RIMS2: variants seen among roughly 807,000 people sequenced by gnomAD.
RIMS2 encodes regulating synaptic membrane exocytosis protein 2.
A neutral mutation model predicts 174.4 loss-of-function variants in RIMS2; 59 were observed. That is an observed-to-expected ratio of 0.34 (90% CI 0.27 to 0.42). The LOEUF is 0.42. Ranked by LOEUF, RIMS2 falls within the 10% of genes least tolerant of loss-of-function variation. RIMS2 has a pLI of 1.00. For missense variants in RIMS2, 1,620 were observed against 1,666.3 expected, an observed-to-expected ratio of 0.97 and a Z score of 0.48; for synonymous variants, 606 against 572.5, an observed-to-expected ratio of 1.06 and a Z score of -0.84.
intron 1 of RIMS2, among the ~76,000 whole-genome samples, chr8:103,620,852 A>G (rs1481319391): frequency 2.0e-5 from 3 of 152,204 alleles, no homozygotes; most frequent in Non-Finnish European, 2.9e-5. Context: ...TCAAAATTTA[A>G]AAAATTGTCC....
chr8:104,048,859 G>A (rs368215621), intron 19 of RIMS2, among the ~76,000 whole-genome samples: 19 of 152,058 alleles, frequency 1.2e-4, no homozygotes, highest in Non-Finnish European at 2.1e-4. Context: ...ATTATGCCGA[G>A]GTTATTTTTT....
intron 6 of RIMS2, 94 bp from the exon 10 acceptor site, chr8:103,915,401 T>G: frequency 1.7e-6 from 1 of 580,020 alleles, no homozygotes; most frequent in Non-Finnish European, 3.1e-6. Context: ...GCGTTTTAGG[T>G]GTTGCAAATT....
downstream of RIMS2, chr8:104,252,831 C>A (rs77012762): frequency 6.6e-6 from 1 of 152,134 alleles, no homozygotes. Flanking sequence ...CATCTTTCTC[C>A]TTCTCTCACT....
chr8:103,948,521 A>T (rs1165516872), intron 14 of RIMS2, among the ~76,000 whole-genome samples: 1 of 152,238 alleles, frequency 6.6e-6, no homozygotes, highest in African/African-American at 2.4e-5. Flanking sequence ...ACATACTACA[A>T]TATAGTCAAA....
At chr8:103,559,289 C>T in intron 1 of RIMS2, 1 of 192,184 alleles carries the variant, frequency 5.2e-6, no homozygotes, top group East Asian at 1.5e-4. Flanking sequence ...AATTAGCCTT[C>T]CCATTAGCAG....
chr8:103,995,367 A>C (rs1473918680), intron 17 of RIMS2, among the ~76,000 whole-genome samples: 1 of 152,108 alleles, frequency 6.6e-6, no homozygotes, highest in Non-Finnish European at 1.5e-5. Context: ...ATACTGGAAC[A>C]GATTGGAGAG....
At chr8:104,154,876 T>C (rs750975530) in intron 19 of RIMS2, among the ~76,000 whole-genome samples, 55 of 152,150 alleles carry the variant, frequency 3.6e-4, no homozygotes, top group Non-Finnish European at 6.6e-4. Context: ...TTGTATCACA[T>C]ATGGTGATCC....
chr8:103,729,011 A>G (rs982861881), intron 2 of RIMS2, among the ~76,000 whole-genome samples: 2 of 152,022 alleles, frequency 1.3e-5, no homozygotes, highest in African/African-American at 2.4e-5. Flanking sequence ...ATCAATGTTC[A>G]TCAGTGATTT....
At chr8:103,833,723 T>G (rs920718342) in intron 3 of RIMS2, among the ~76,000 whole-genome samples, 1 of 152,140 alleles carries the variant, frequency 6.6e-6, no homozygotes, top group African/African-American at 2.4e-5. Context: ...ATATCTCTGT[T>G]GAGATATCCT....
chr8:104,054,349 C>A (rs1352871545), intron 19 of RIMS2, among the ~76,000 whole-genome samples: 1 of 152,058 alleles, frequency 6.6e-6, no homozygotes, highest in Non-Finnish European at 1.5e-5. Context: ...TAGCAATCAG[C>A]GGCAGCATCT....
At chr8:103,567,192 TATA>T (rs1252953994) in intron 1 of RIMS2, among the ~76,000 whole-genome samples, 2 of 152,194 alleles carry the variant, frequency 1.3e-5, no homozygotes, top group African/African-American at 4.8e-5. Flanking sequence ...AAAATGCACA[TATA>T]AAATTTTACC....
intron 19 of RIMS2, chr8:104,223,744 A>G (rs1164962918): frequency 1.3e-6 from 2 of 1,595,546 alleles, no homozygotes; most frequent in East Asian, 4.5e-5. Context: ...CCTTCGAGGC[A>G]CTGGCCGGCT....
chr8:103,528,889 C>T (rs1353250412), intron 1 of RIMS2, among the ~76,000 whole-genome samples: 1 of 152,044 alleles, frequency 6.6e-6, no homozygotes, highest in Non-Finnish European at 1.5e-5. Flanking sequence ...TGTTTTGGTT[C>T]CATATGATCT....
intron 2 of RIMS2, among the ~76,000 whole-genome samples, chr8:103,728,091 T>G (rs540846827): frequency 7.9e-5 from 12 of 152,288 alleles, no homozygotes; most frequent in South Asian, 2.1e-4. Context: ...TTTCATTTTT[T>G]TGTGTGTGTT....
chr8:103,879,056 G>C (rs1304136678), intron 3 of RIMS2, among the ~76,000 whole-genome samples: 1 of 151,438 alleles, frequency 6.6e-6, no homozygotes, highest in African/African-American at 2.4e-5. Flanking sequence ...CATGTTAAGA[G>C]TAAAGAGTTA....
intron 3 of RIMS2, among the ~76,000 whole-genome samples, chr8:103,883,505 A>T (rs2099180889): frequency 6.6e-6 from 1 of 151,796 alleles, no homozygotes; most frequent in South Asian, 2.1e-4. Flanking sequence ...TAAATTTTAA[A>T]CTGTAGGAAT....
intron 1 of RIMS2, among the ~76,000 whole-genome samples, chr8:103,547,443 G>T (rs187444669): frequency 1.2e-3 from 178 of 152,222 alleles, no homozygotes; most frequent in South Asian, 2.3e-3. Context: ...GCAGAAATAA[G>T]AAATTCTTTG....
chr8:104,146,794 G>A (rs1347375803), intron 19 of RIMS2, among the ~76,000 whole-genome samples: 1 of 152,038 alleles, frequency 6.6e-6, no homozygotes, highest in African/African-American at 2.4e-5. Flanking sequence ...TCAACATCTC[G>A]GGCTCAGGTG....
intron 1 of RIMS2, among the ~76,000 whole-genome samples, chr8:103,610,016 T>G (rs2095311583): frequency 6.6e-6 from 1 of 152,176 alleles, no homozygotes; most frequent in South Asian, 2.1e-4. Flanking sequence ...TTGAGTGGTG[T>G]TTTGTAATTC....
Sources: gnomAD v4.1 joint callset for allele counts (sites outside exome capture counted in the v4.1 genomes callset) on GRCh38, gnomAD v4.1.1 for gene constraint, MANE v1.5 for transcripts, NCBI Gene and HGNC (gene_info 2026-07-23, HGNC 2026-07-21) for gene names.